The following CDC16 variants were observed in gnomAD, a reference collection of about 807,000 sequenced individuals.
CDC16 encodes cell division cycle 16, also known as cell division cycle protein 16 homolog.
CDC16 carries 34 observed loss-of-function variants against 87.0 expected under a neutral mutation model. That is an observed-to-expected ratio of 0.39 (90% CI 0.30 to 0.52). CDC16 has a LOEUF of 0.52. Among genes scored for constraint, CDC16 ranks in the 20% least tolerant of loss-of-function variants. The probability of loss-of-function intolerance (pLI) is 0.74; values close to 1 mark genes in which losing one functional copy is unlikely to be tolerated. For missense variants in CDC16, 653 were observed against 751.9 expected (o/e 0.87, Z 1.54); for synonymous variants, 263 against 260.6 (o/e 1.01, Z -0.09).
Position 114,259,239 on chromosome 13 carries a change from G to T in CDC16, c.1251-96G>T, listed in dbSNP as rs569238210. ...ATTATTTCCAGCAGTTTACCCCATT[G>T]CATTTTAGTACTACTAGAAAGGTAA... On this transcript the variant is annotated intron_variant, in intron 13 of 17. Coordinates refer to ENST00000356221, the MANE Select transcript of CDC16 (RefSeq NM_001078645.3). The T allele has an allele frequency of 4.1e-5, 28 of 683,220 alleles. No individual in the cohort carries two copies. In the East Asian group the frequency reaches 7.8e-4, roughly 19 times the overall value. The allele number at this position is 683,220 out of a possible 1,614,324, so 42.3% of individuals were successfully genotyped here.
intron 11 of CDC16, among the ~76,000 whole-genome samples, chr13:114,247,925 A>G (rs2081960602): frequency 6.9e-6 from 1 of 144,826 alleles, no homozygotes; most frequent in Non-Finnish European, 1.5e-5. Context: ...ATGAAACAAT[A>G]GAGAATAATG....
At chr13:114,259,511 T>C (rs2082713203) in intron 14 of CDC16, 113 bp downstream of exon 14, 1 of 583,312 alleles carries the variant, frequency 1.7e-6, no homozygotes, top group South Asian at 3.0e-5. Flanking sequence ...CCTGATATTT[T>C]CATAACAAGC....
intron 3 of CDC16, among the ~76,000 whole-genome samples, chr13:114,237,807 G>A (rs891928253): frequency 6.6e-6 from 1 of 151,976 alleles, no homozygotes; most frequent in Non-Finnish European, 1.5e-5. Flanking sequence ...CTTTTCCCCA[G>A]TAACAGTTTC....
chr13:114,246,295 T>C (rs924628342), intron 10 of CDC16, among the ~76,000 whole-genome samples: 3 of 152,240 alleles, frequency 2.0e-5, no homozygotes, highest in African/African-American at 7.2e-5. Context: ...ATAGAAGTTA[T>C]ACATGCTTAT....
intron 17 of CDC16, among the ~76,000 whole-genome samples, chr13:114,270,508 G>A (rs1333806332): frequency 1.9e-4 from 29 of 152,154 alleles, no homozygotes; most frequent in Non-Finnish European, 1.5e-5. Flanking sequence ...AATTGGTAGC[G>A]ATAGAAAAGT....
At chr13:114,261,451 G>T (rs2082856865) in intron 14 of CDC16, among the ~76,000 whole-genome samples, 1 of 151,996 alleles carries the variant, frequency 6.6e-6, no homozygotes, top group East Asian at 1.9e-4. Context: ...AGGGGGTGGG[G>T]GTGCCATTCA....
chr13:114,248,204 ATTAC>A (rs750116339), intron 11 of CDC16, among the ~76,000 whole-genome samples: 2 of 152,226 alleles, frequency 1.3e-5, no homozygotes, highest in Non-Finnish European at 2.9e-5. Context: ...TGAAGAATTA[ATTAC>A]TTAAACTCTG....
intron 1 of CDC16, 23 bp from the exon 2 acceptor site, chr13:114,236,622 C>CT (rs372357906): frequency 0.042 from 54,735 of 1,291,086 alleles, 166 homozygotes; most frequent in African/African-American, 0.1. Flanking sequence ...CAGTTACCAC[C>CT]TTTTTTTTTT....
chr13:114,243,996 A>G lies in CDC16; in HGVS notation c.767+7A>G. On this transcript the variant is annotated splice_region_variant and intron_variant, in intron 8 of 17. Coordinates refer to ENST00000356221, the MANE Select transcript of CDC16 (RefSeq NM_001078645.3). The stretch of plus-strand genomic sequence containing the variant: ...GCTACAAGCTTACTTCTGTGTAAGT[A>G]TATCCATCCATTTTTCTGTAGGAAC... 1.3e-6 allele frequency: 2 copies of G among 1,598,582 alleles called. No individual in the cohort carries two copies.
At chr13:114,236,582 T>C in intron 1 of CDC16, 63 bp from the exon 2 acceptor site, 2 of 1,354,534 alleles carry the variant, frequency 1.5e-6, no homozygotes, top group Non-Finnish European at 2.0e-6. Flanking sequence ...TAATATTAGA[T>C]AACTGTTTAA....
At position 114,234,991 on chromosome 13, in the gene CDC16, G is replaced by GCGGCCA; in HGVS notation, c.-93_-92insGGCCAC. On this transcript the variant is annotated 5_prime_UTR_variant, in exon 1 of 18. Transcript: ENST00000356221. ...GAGTCCTGGGGCGGCGGCGGCGGCTGCAGGCACGGGCACGGGCACGGGGCG... is the reference window on the plus strand; with the variant it reads ...GAGTCCTGGGGCGGCGGCGGCGGCTGCGGCCACAGGCACGGGCACGGGCACGGGGCG... 2 of 1,050,322 alleles carry GCGGCCA rather than the reference G, an allele frequency of 1.9e-6. No homozygotes were observed. The highest frequency in any genetic ancestry group is 2.4e-6 in the Non-Finnish European group (2 of 826,146). The allele number at this position is 1,050,322 out of a possible 1,614,324, so 65.1% of individuals were successfully genotyped here.
chr13:114,251,672 A>G (rs2082186074), intron 12 of CDC16, among the ~76,000 whole-genome samples: 1 of 152,208 alleles, frequency 6.6e-6, no homozygotes, highest in South Asian at 2.1e-4. Flanking sequence ...TGCCATAACA[A>G]AATACCACAG....
At chr13:114,238,231 C>A (rs188403831) in intron 3 of CDC16, among the ~76,000 whole-genome samples, 10 of 149,146 alleles carry the variant, frequency 6.7e-5, no homozygotes, top group African/African-American at 1.5e-4. Flanking sequence ...CTGCTGCGAT[C>A]TCCTCGGACG....
At chr13:114,247,241 A>C (rs1041077788) in intron 11 of CDC16, 5 of 480,168 alleles carry the variant, frequency 1.0e-5, no homozygotes, top group Admixed American at 3.9e-5. Context: ...GCAGTGGTGC[A>C]ATAATAGCTC....
chr13:114,237,274 A>C (rs2081303350), intron 3 of CDC16, among the ~76,000 whole-genome samples: 2 of 151,502 alleles, frequency 1.3e-5, no homozygotes, highest in South Asian at 4.2e-4. Flanking sequence ...TTTCTGTTGA[A>C]ATTATTTAAC....
chr13:114,240,402 G>C (rs1272324384), intron 5 of CDC16, among the ~76,000 whole-genome samples: 2 of 152,084 alleles, frequency 1.3e-5, no homozygotes, highest in African/African-American at 2.4e-5. Context: ...GTAGAGACGG[G>C]GTTTCACCAT....
At chr13:114,269,655 A>G (rs2083475280) in intron 17 of CDC16, among the ~76,000 whole-genome samples, 1 of 152,230 alleles carries the variant, frequency 6.6e-6, no homozygotes, top group Non-Finnish European at 1.5e-5. Context: ...TATTATTTGA[A>G]AGACTACTGA....
chr13:114,236,961 C>T (rs577280090), intron 3 of CDC16, 65 bp downstream of exon 3: 28 of 1,083,028 alleles, frequency 2.6e-5, no homozygotes, highest in Admixed American at 5.3e-5. Context: ...AGTGGCCGGG[C>T]GCGGTGGCTT....
At chr13:114,246,507 T>C (rs2081881851) in intron 10 of CDC16, among the ~76,000 whole-genome samples, 1 of 152,212 alleles carries the variant, frequency 6.6e-6, no homozygotes, top group Admixed American at 6.5e-5. Context: ...ACTGCGTCTT[T>C]AAGGACAAAA....
Sources: allele counts gnomAD v4.1 joint callset (sites outside exome capture counted in the v4.1 genomes callset), GRCh38; gene constraint gnomAD v4.1.1; transcripts MANE v1.5; gene names NCBI Gene and HGNC (gene_info 2026-07-23, HGNC 2026-07-21).